MED16: variants seen among roughly 807,000 people sequenced by gnomAD.
MED16 encodes mediator of RNA polymerase II transcription subunit 16.
MED16 carries 81 observed loss-of-function variants against 84.4 expected under a neutral mutation model. That is an observed-to-expected ratio of 0.96 (90% confidence interval 0.80 to 1.15). The LOEUF is 1.15. Among genes scored for constraint, MED16 ranks in the 50% most tolerant of loss-of-function variants. The pLI is 0.00. For synonymous variants in MED16, 897 were observed against 552.2 expected (o/e 1.62, Z -8.76); for missense variants, 1,585 against 1,245.9 (o/e 1.27, Z -4.10).
chr19:878,524 A>T, intron 8 of MED16, among the ~76,000 whole-genome samples: 1 of 110,372 alleles, frequency 9.1e-6, no homozygotes, highest in Non-Finnish European at 1.7e-5. Context: ...GTGCCCCAGC[A>T]GCTCACCTTC....
intron 10 of MED16, among the ~76,000 whole-genome samples, chr19:874,824 T>A (rs749163294): frequency 2.2e-4 from 33 of 151,604 alleles, no homozygotes; most frequent in African/African-American, 7.3e-4. Context: ...GAGCTGGGAC[T>A]GCGTCACCGT....
At chr19:880,332 A>T (rs1379412976) in intron 7 of MED16, among the ~76,000 whole-genome samples, 184 bp from the exon 8 acceptor site, 1 of 152,198 alleles carries the variant, frequency 6.6e-6, no homozygotes, top group African/African-American at 2.4e-5. Flanking sequence ...GTCCCTGAGC[A>T]CCAGGGGAGC....
chr19:881,484 C>A, intron 7 of MED16, 75 bp downstream of exon 7: 1 of 1,519,142 alleles, frequency 6.6e-7, no homozygotes, highest in Non-Finnish European at 8.9e-7. Flanking sequence ...CCCACGACCC[C>A]GTGGCCTGTG....
Position 871,113 on chromosome 19 carries a change from G to T in MED16, c.2239C>A (p.Pro747Thr). The change falls in exon 13 of 16, where the codon CCC (proline) becomes ACC (threonine). Residue 747 changes from proline (P) to threonine (T), a missense_variant. By Grantham distance (38) the Pro-to-Thr change is conservative (BLOSUM62 -1). Transcript: ENST00000325464. ...GCCCGGCCAAACTGCAGACGAAGGG[G>T]CTGCTTGGGCTGCAGGCGGCTAACC... ...GLVSRLQPKQ[P>T]LRLQFGRAPT... The T allele has an allele frequency of 6.5e-7, 1 of 1,548,674 alleles. No homozygotes were observed. The highest frequency in any genetic ancestry group is 8.7e-7 in the Non-Finnish European group (1 of 1,145,990).
At chr19:892,934 C>G (rs1243134205) in intron 1 of MED16, 152 bp downstream of exon 1, 1 of 146,186 alleles carries the variant, frequency 6.8e-6, no homozygotes, top group African/African-American at 2.5e-5. Flanking sequence ...GCCCCGCGCC[C>G]CGCGCCCCAG....
intron 13 of MED16, among the ~76,000 whole-genome samples, chr19:870,283 C>G (rs1266348553): frequency 6.6e-6 from 1 of 152,090 alleles, no homozygotes; most frequent in Non-Finnish European, 1.5e-5. Flanking sequence ...AAGGCAAGGC[C>G]GGGGCGGTGG....
At chr19:874,518 G>T (rs1268773901) in intron 10 of MED16, among the ~76,000 whole-genome samples, 2 of 152,158 alleles carry the variant, frequency 1.3e-5, no homozygotes, top group Non-Finnish European at 2.9e-5. Flanking sequence ...GGTGAGCCTG[G>T]GCAAGCTGCT....
At chr19:889,993 A>G (rs2036601400) in intron 3 of MED16, 144 bp downstream of exon 3, 1 of 832,238 alleles carries the variant, frequency 1.2e-6, no homozygotes, top group African/African-American at 1.7e-5. Context: ...GATTCGGGCC[A>G]CTATGGAAAG....
chr19:870,326 C>T (rs565012353), intron 13 of MED16, among the ~76,000 whole-genome samples: 6 of 152,034 alleles, frequency 3.9e-5, no homozygotes, highest in Non-Finnish European at 5.9e-5. Context: ...TTTGGGAGGG[C>T]GAGGCAGGTG....
intron 8 of MED16, among the ~76,000 whole-genome samples, chr19:879,510 CGCCTTTCCCTGGTTGTCAATGCCT>C (rs2036361495): frequency 2.2e-5 from 3 of 135,094 alleles, no homozygotes; most frequent in African/African-American, 8.5e-5. Flanking sequence ...CCCAGCAGCT[CGCCTTTCCCTGGTTGTCAATGCCT>C]ACCAGGGCCA....
chr19:883,401 G>A (rs1176086241), intron 6 of MED16, among the ~76,000 whole-genome samples: 5 of 137,064 alleles, frequency 3.6e-5, no homozygotes, highest in African/African-American at 5.6e-5. Flanking sequence ...GCATGGCGGG[G>A]ACCGAAGCCT....
rs547176797 is a variant in MED16 at position 874,348 on chromosome 19, G to A, written c.1772-766C>T. On this transcript the variant is annotated intron_variant, in intron 10 of 15. Transcript: ENST00000325464. ...AGGATGATCTCGATCTCCTGACCTC[G>A]TGATCAGCCCGCGTTGGCCTCCCAA... Among the ~76,000 whole-genome samples the A allele has an allele frequency of 3.9e-5, 6 of 152,252 alleles. No individual in the cohort carries two copies. The South Asian group carries it at 8.3e-4, about 21-fold the overall frequency.
intron 4 of MED16, among the ~76,000 whole-genome samples, chr19:888,160 C>T (rs765967429): frequency 2.0e-5 from 3 of 151,770 alleles, no homozygotes; most frequent in African/African-American, 7.3e-5. Flanking sequence ...GCCGAGATCG[C>T]GCCACTACAC....
At position 871,505 on chromosome 19, in the gene MED16, G is replaced by A. The variant is rs1028509692; in HGVS notation, c.2099-252C>T. ...TCCCTCATTCACTTAAAAAGTATGT[G>A]GGAAGCACTGTGCCTTTTCCAGACA... On this transcript the variant is annotated intron_variant, in intron 12 of 15. Transcript: ENST00000325464. The A allele has an allele frequency of 1.9e-5, 29 of 1,522,586 alleles. No homozygotes were observed. The Admixed American group carries it at 2.3e-4, about 12-fold the overall frequency. The allele number at this position is 1,522,586 out of a possible 1,614,324, so 94.3% of individuals were successfully genotyped here. A position where few individuals can be genotyped will look rare whatever the true frequency, so the allele number is the denominator to read the frequency against.
chr19:870,958 C>T (rs1293767065), intron 13 of MED16, 79 bp downstream of exon 13: 11 of 1,373,516 alleles, frequency 8.0e-6, no homozygotes, highest in Middle Eastern at 5.1e-4. Context: ...GGGAGGGAGC[C>T]GTGTGGATTC....
In MED16 at chr19:875,307, T is replaced by C; in HGVS notation, c.1708A>G (p.Asn570Asp). 1 of 1,605,542 alleles carries C rather than the reference T, an allele frequency of 6.2e-7. No individual in the cohort carries two copies. Among genetic ancestry groups the C allele is most frequent in the Non-Finnish European group, 8.5e-7 (1 of 1,176,434 alleles). The change falls in exon 10 of 16, where the codon AAC becomes GAC. Residue 570 changes from asparagine to aspartate, a missense_variant. Coordinates refer to ENST00000325464, the MANE Select transcript of MED16 (RefSeq NM_005481.3). ...TCGCCGGGGCTCTTGTCAGGCGTGT[T>C]GAGAAAGTGGGGGCGCAGCAGCGAC... is the stretch of plus-strand genomic sequence containing the variant. ...LKSLLRPHFL[N>D]TPDKSPGDRL...
At position 870,607 on chromosome 19, in the gene MED16, G is replaced by A. The variant is rs994644242; in HGVS notation, c.2315+430C>T. ...AAGGGAGAGGGTGAATGGAAGGGCTGGGTGCCCGTGTTGGGGGTGGTTCGT... is the reference window on the plus strand; with the variant it reads ...AAGGGAGAGGGTGAATGGAAGGGCTAGGTGCCCGTGTTGGGGGTGGTTCGT... On this transcript the variant is annotated intron_variant, in intron 13 of 15. Coordinates refer to ENST00000325464, the MANE Select transcript of MED16 (RefSeq NM_005481.3). Among the ~76,000 whole-genome samples, 15 of 151,830 alleles carry A rather than the reference G, an allele frequency of 9.9e-5. No homozygotes were observed. The South Asian group carries it at 1.9e-3, about 19-fold the overall frequency.
intron 7 of MED16, among the ~76,000 whole-genome samples, 180 bp from the exon 8 acceptor site, chr19:880,328 G>C (rs2036394130): frequency 6.6e-6 from 1 of 152,244 alleles, no homozygotes; most frequent in Non-Finnish European, 1.5e-5. Context: ...CACAGTCCCT[G>C]AGCACCAGGG....
At chr19:872,727 G>A (rs556683329) in intron 11 of MED16, among the ~76,000 whole-genome samples, 14 of 151,940 alleles carry the variant, frequency 9.2e-5, no homozygotes, top group African/African-American at 3.4e-4. Flanking sequence ...GGTGTGGATG[G>A]AGACTTGATT....
Sources: gnomAD v4.1 joint callset for allele counts (sites outside exome capture counted in the v4.1 genomes callset) on GRCh38, gnomAD v4.1.1 for gene constraint, MANE v1.5 for transcripts, NCBI Gene and HGNC (gene_info 2026-07-23, HGNC 2026-07-21) for gene names.